SPMAP2L: variants seen among roughly 807,000 people sequenced by gnomAD.
The protein encoded by SPMAP2L is sperm microtubule associated protein 2-like.
chr4:56,558,531 C>T, the SPMAP2L span, among the ~76,000 whole-genome samples: 8 of 152,230 alleles, frequency 5.3e-5, no homozygotes, highest in South Asian at 4.1e-4. Context: ...AGTTCTTGGA[C>T]GGCATCATTT....
chr4:56,600,234 C>T, the SPMAP2L span, among the ~76,000 whole-genome samples: 1 of 150,798 alleles, frequency 6.6e-6, no homozygotes, highest in East Asian at 2.0e-4. Flanking sequence ...CAGGCACAAG[C>T]CATTGTGCTT....
At chr4:56,609,901 C>T in the SPMAP2L span, among the ~76,000 whole-genome samples, 2 of 152,092 alleles carry the variant, frequency 1.3e-5, no homozygotes, top group African/African-American at 2.4e-5. Context: ...GTGAATTATT[C>T]AGTTCATTGT....
chr4:56,617,825 C>T, the SPMAP2L span, among the ~76,000 whole-genome samples: 7 of 152,132 alleles, frequency 4.6e-5, no homozygotes, highest in African/African-American at 1.7e-4. Context: ...AAGTAGCTCT[C>T]AGCAGATGGG....
At chr4:56,575,612 A>G in the SPMAP2L span, 21 of 1,535,356 alleles carry the variant, frequency 1.4e-5, no homozygotes, top group South Asian at 1.1e-4. Flanking sequence ...TCACAGCCCA[A>G]TGGATTCAAA....
the SPMAP2L span, among the ~76,000 whole-genome samples, chr4:56,600,389 G>A: frequency 2.0e-5 from 3 of 152,072 alleles, no homozygotes; most frequent in Admixed American, 6.6e-5. Context: ...CGACTCCCTG[G>A]TTCAGGCGAT....
the SPMAP2L span, among the ~76,000 whole-genome samples, chr4:56,548,033 T>C: frequency 1.1e-4 from 16 of 152,322 alleles, no homozygotes; most frequent in African/African-American, 3.6e-4. Flanking sequence ...CTAAGACATG[T>C]AAACATTACT....
chr4:56,603,377 G>C, the SPMAP2L span: 1 of 1,292,778 alleles, frequency 7.7e-7, no homozygotes, highest in Non-Finnish European at 1.0e-6. Flanking sequence ...ACACATATTA[G>C]ATGACTTAGT....
At chr4:56,533,783 CAA>C in the SPMAP2L span, among the ~76,000 whole-genome samples, 14 of 136,108 alleles carry the variant, frequency 1.0e-4, no homozygotes, top group Non-Finnish European at 9.7e-5. Context: ...CTCCTTTCTA[CAA>C]AAAAAAAAAA....
the SPMAP2L span, chr4:56,595,160 T>G: frequency 6.2e-7 from 1 of 1,611,584 alleles, no homozygotes; most frequent in Non-Finnish European, 8.5e-7. Context: ...ACTGCGATAT[T>G]AAATGCCAAC....
At chr4:56,599,724 G>A in the SPMAP2L span, among the ~76,000 whole-genome samples, 3 of 152,178 alleles carry the variant, frequency 2.0e-5, no homozygotes, top group South Asian at 4.1e-4. Context: ...CCTTGCAAAA[G>A]ATATGATCTC....
the SPMAP2L span, among the ~76,000 whole-genome samples, chr4:56,564,982 C>G: frequency 6.6e-6 from 1 of 152,136 alleles, no homozygotes; most frequent in Non-Finnish European, 1.5e-5. Context: ...TTCCAGATGT[C>G]TTCCTATTGG....
At chr4:56,537,936 G>C in the SPMAP2L span, among the ~76,000 whole-genome samples, 1 of 151,998 alleles carries the variant, frequency 6.6e-6, no homozygotes, top group Non-Finnish European at 1.5e-5. Flanking sequence ...CTTGTGATCT[G>C]CCCGCCTCGG....
the SPMAP2L span, among the ~76,000 whole-genome samples, chr4:56,609,163 C>T: frequency 2.6e-4 from 40 of 151,616 alleles, no homozygotes; most frequent in Admixed American, 2.2e-3. Context: ...GTTTCTCTGC[C>T]CCCCGAGTAG....
the SPMAP2L span, among the ~76,000 whole-genome samples, chr4:56,569,730 C>A: frequency 1.3e-5 from 2 of 151,970 alleles, no homozygotes; most frequent in African/African-American, 4.8e-5. Context: ...TCACTTGAGC[C>A]TGGGAGGTCG....
chr4:56,578,546 A>G, the SPMAP2L span, among the ~76,000 whole-genome samples: 3 of 152,284 alleles, frequency 2.0e-5, no homozygotes, highest in East Asian at 5.8e-4. Context: ...ACTCCAATAA[A>G]AAGACAGGAT....
the SPMAP2L span, among the ~76,000 whole-genome samples, chr4:56,568,720 T>A: frequency 6.6e-6 from 1 of 152,202 alleles, no homozygotes; most frequent in Admixed American, 6.5e-5. Flanking sequence ...GGTAGTATGT[T>A]CACAGGACTG....
At chr4:56,544,284 C>T in the SPMAP2L span, among the ~76,000 whole-genome samples, 199 of 152,194 alleles carry the variant, frequency 1.3e-3, 3 homozygotes, top group South Asian at 8.9e-3. Context: ...CCACCGTGCC[C>T]GGCCCCAATA....
the SPMAP2L span, among the ~76,000 whole-genome samples, chr4:56,623,859 G>A: frequency 2.0e-5 from 3 of 152,126 alleles, no homozygotes; most frequent in Non-Finnish European, 4.4e-5. Flanking sequence ...TTTATCAGCA[G>A]CATGAAAACA....
chr4:56,594,309 G>A, the SPMAP2L span: 1 of 1,535,258 alleles, frequency 6.5e-7, no homozygotes, highest in Non-Finnish European at 9.0e-7. Context: ...CTTGTTCACA[G>A]CATGATTCCA....
Sources: gnomAD v4.1 joint callset for allele counts (sites outside exome capture counted in the v4.1 genomes callset) on GRCh38, gnomAD v4.1.1 for gene constraint, MANE v1.5 for transcripts, NCBI Gene and HGNC (gene_info 2026-07-23, HGNC 2026-07-21) for gene names.